CAMK1: variants seen among roughly 807,000 people sequenced by gnomAD.
CAMK1 encodes the protein calcium/calmodulin-dependent protein kinase type 1.
Under a neutral mutation model 49.1 loss-of-function variants are expected in CAMK1, and 39 were observed. The observed-to-expected ratio is 0.79, with a 90% CI of 0.62 to 1.04. The LOEUF is 1.04. Among genes scored for constraint, CAMK1 ranks in the 50% least tolerant of loss-of-function variants. CAMK1 has a pLI of 0.00. For synonymous variants in CAMK1, 192 were observed against 185.2 expected, an observed-to-expected ratio of 1.04 and a Z score of -0.30; for missense variants, 457 against 472.2, an observed-to-expected ratio of 0.97 and a Z score of 0.30.
intron 8 of CAMK1, 31 bp downstream of exon 8, chr3:9,760,625 G>T (rs770675137): frequency 1.2e-6 from 2 of 1,611,768 alleles, no homozygotes; most frequent in African/African-American, 2.7e-5. Context: ...CAGAGGCAGG[G>T]CCCAGGGGAA....
intron 8 of CAMK1, chr3:9,760,427 T>C (rs2077799365): frequency 2.1e-6 from 1 of 478,344 alleles, no homozygotes; most frequent in Non-Finnish European, 3.8e-6. Flanking sequence ...TCAAATAGAC[T>C]ATGTTTGAAG....
chr3:9,758,746 C>T (rs557384402), intron 10 of CAMK1: 2 of 201,934 alleles, frequency 9.9e-6, no homozygotes, highest in East Asian at 1.4e-4. Flanking sequence ...TCTCCTGCCT[C>T]AGCTTCCCAA....
chr3:9,766,294 C>A, intron 2 of CAMK1: 1 of 700,470 alleles, frequency 1.4e-6, no homozygotes, highest in Non-Finnish European at 2.6e-6. Flanking sequence ...TTATGTGGCC[C>A]TCTGGATCCA....
Position 9,757,550 on chromosome 3 carries a change from G to T in CAMK1, c.1102C>A (p.His368Asn). 1 of 1,613,660 alleles carries T rather than the reference G, an allele frequency of 6.2e-7. No individual in the cohort carries two copies. Among genetic ancestry groups the T allele is most frequent in the South Asian group, 1.1e-5 (1 of 91,048 alleles). ...PGTELSPTLP[H>N]QL Reference sequence around the variant, plus strand: ...CGAGGTCCAGGGCCCTAGAGCTGGTGGGGCAGTGTGGGGGACAGTTCTGTG... The same window carrying T: ...CGAGGTCCAGGGCCCTAGAGCTGGTTGGGCAGTGTGGGGGACAGTTCTGTG... Residue 368 changes from histidine to asparagine, a missense_variant, in exon 12 of 12, where the codon CAC (histidine) becomes AAC (asparagine). By Grantham distance (68) the His-to-Asn change is moderately conservative. Transcript: ENST00000256460. This position sits in a 1 kb window ranked among gnomAD's most constrained non-coding sequence, Gnocchi z 4.5.
chr3:9,767,817 C>G, intron 1 of CAMK1, 36 bp from the exon 2 acceptor site: 1 of 1,592,286 alleles, frequency 6.3e-7, no homozygotes, highest in South Asian at 1.1e-5. Flanking sequence ...CTCAGCAGAG[C>G]CCAGCCCTCT....
At position 9,759,521 on chromosome 3, in the gene CAMK1, C is replaced by A. The variant is rs758465129; in HGVS notation, c.879G>T (p.Gln293His). Residue 293 changes from glutamine to histidine, a missense_variant, in exon 10 of 12, where the codon CAG becomes CAT. By Grantham distance (24) the Gln-to-His change is conservative. Coordinates refer to ENST00000256460, the MANE Select transcript of CAMK1 (RefSeq NM_003656.5). ...TGCTCTTGGCAAAGTTCTTCTTGAT[C>A]TGCTCACTCACCGACTGGTGGATAT... is the stretch of plus-strand genomic sequence containing the variant. Reference protein sequence around the residue: ...DKNIHQSVSEQIKKNFAKSKW... With the variant: ...DKNIHQSVSEHIKKNFAKSKW... 1.9e-6 allele frequency: 3 copies of A among 1,614,168 alleles called. No homozygotes were observed. Among genetic ancestry groups the A allele is most frequent in the Non-Finnish European group, 2.5e-6 (3 of 1,180,024 alleles).
At chr3:9,769,240 C>A (rs562187143) in intron 1 of CAMK1, among the ~76,000 whole-genome samples, 97 of 152,022 alleles carry the variant, frequency 6.4e-4, no homozygotes, top group Non-Finnish European at 1.2e-3. Flanking sequence ...CAAGATGACA[C>A]CCAGACACAC....
At position 9,759,701 on chromosome 3, in the gene CAMK1, G is replaced by A. The variant is rs367901510; in HGVS notation, c.795C>T (p.Phe265=). Residue 265 remains phenylalanine, a synonymous_variant, in exon 9 of 12, where the codon TTC becomes TTT. Transcript: ENST00000256460. ...HLMEKDPEKR[F]TCEQALQHPW... is the part of the protein sequence containing the mutation. ...GGTGCTGCAAGGCCTGCTCACAGGT[G>A]AATCTTTTCTCTGGGTCCTTCTCCA... The A allele has an allele frequency of 8.1e-6, 13 of 1,614,068 alleles. No homozygotes were observed. In the Middle Eastern group the frequency reaches 4.9e-4, roughly 61 times the overall value.
chr3:9,766,608 G>C, intron 2 of CAMK1: 1 of 1,036,758 alleles, frequency 9.6e-7, no homozygotes, highest in African/African-American at 1.7e-5. Flanking sequence ...CAGTGTTTTA[G>C]AACAGGTTCT....
rs1022819308 is a variant in CAMK1, at chr3:9,761,737, G to A, written c.450C>T (p.Tyr150=). The A allele has an allele frequency of 1.3e-5, 21 of 1,614,046 alleles. No homozygotes were observed. Among genetic ancestry groups the A allele is most frequent in the Non-Finnish European group, 1.6e-5 (19 of 1,180,016 alleles). ...RDLKPENLLY[Y]SLDEDSKIMI... ...TGATTTTGGAGTCTTCATCCAGGCT[G>A]TAGTACAGCAGATTCTCTGGCTTGA... is the stretch of plus-strand genomic sequence containing the variant. Residue 150 remains tyrosine (Y), a synonymous_variant, in exon 6 of 12, where the codon TAC becomes TAT. Coordinates refer to ENST00000256460, the MANE Select transcript of CAMK1 (RefSeq NM_003656.5).
rs759183025 is a variant in CAMK1, at chr3:9,757,560, G to C, written c.1092C>G (p.Pro364=). ...CCVEPGTELS[P]TLPHQL ...GGCCCTAGAGCTGGTGGGGCAGTGT[G>C]GGGGACAGTTCTGTGCCCGGCTCCA... The change falls in exon 12 of 12, where the codon CCC becomes CCG. Residue 364 remains proline, a synonymous_variant. Coordinates refer to ENST00000256460, the MANE Select transcript of CAMK1 (RefSeq NM_003656.5). The surrounding 1 kb of genome is among the most constrained non-coding windows in gnomAD (Gnocchi z 4.5). 10 of 1,613,900 alleles carry C rather than the reference G, an allele frequency of 6.2e-6. No homozygotes were observed. The Admixed American group carries it at 1.0e-4, about 16-fold the overall frequency.
chr3:9,767,949 C>T (rs2078200997), intron 1 of CAMK1, 168 bp from the exon 2 acceptor site: 2 of 710,798 alleles, frequency 2.8e-6, no homozygotes, highest in Non-Finnish European at 3.5e-6. Context: ...TCAGCAAATT[C>T]TCATGCCTAG....
At chr3:9,768,667 C>T (rs2078223157) in intron 1 of CAMK1, among the ~76,000 whole-genome samples, 1 of 152,206 alleles carries the variant, frequency 6.6e-6, no homozygotes, top group African/African-American at 2.4e-5. Flanking sequence ...AGAATGGGCC[C>T]CATTCAGAGA....
At chr3:9,759,043 GC>G in intron 10 of CAMK1, 1 of 749,670 alleles carries the variant, frequency 1.3e-6, no homozygotes, top group Non-Finnish European at 2.4e-6. Context: ...AAGAGGCCTG[GC>G]CCCTTACCTG....
At chr3:9,766,197 C>T (rs779147992) in intron 2 of CAMK1, 2 of 787,058 alleles carry the variant, frequency 2.5e-6, no homozygotes, top group Non-Finnish European at 4.4e-6. Flanking sequence ...TCATCTTTGC[C>T]ACCACCTGGG....
At chr3:9,769,632 A>C (rs2078255683) in intron 1 of CAMK1, among the ~76,000 whole-genome samples, 200 bp downstream of exon 1, 1 of 150,960 alleles carries the variant, frequency 6.6e-6, no homozygotes. Context: ...TCTATTACCC[A>C]CTCAGTGTCC....
At chr3:9,759,439 GGGA>G in intron 10 of CAMK1, 46 bp downstream of exon 10, 6 of 1,612,976 alleles carry the variant, frequency 3.7e-6, no homozygotes, top group Non-Finnish European at 5.1e-6. Context: ...GGTAGGGATG[GGGA>G]GGAGTCCTGG....
Position 9,761,760 on chromosome 3 carries a change from T to C in CAMK1, c.430-3A>G, listed in dbSNP as rs572307672. 1 of 1,613,894 alleles carries C rather than the reference T, an allele frequency of 6.2e-7. No individual in the cohort carries two copies. Among genetic ancestry groups the C allele is most frequent in the South Asian group, 1.1e-5 (1 of 91,052 alleles). ...CTGTAGTACAGCAGATTCTCTGGCT[T>C]GAAGGGCAGGAGGGAAGAGAAGGGG... On this transcript the variant is annotated splice_region_variant and splice_polypyrimidine_tract_variant and intron_variant, in intron 5 of 11. Coordinates refer to ENST00000256460, the MANE Select transcript of CAMK1 (RefSeq NM_003656.5).
At chr3:9,758,074 AAC>A in intron 10 of CAMK1, 1 of 555,932 alleles carries the variant, frequency 1.8e-6, no homozygotes, top group Non-Finnish European at 3.0e-6. Context: ...TATAAATAGA[AAC>A]ATAACTATAA....
Sources: allele counts gnomAD v4.1 joint callset (sites outside exome capture counted in the v4.1 genomes callset), GRCh38; gene constraint gnomAD v4.1.1; non-coding constraint Gnocchi (gnomAD v3.1); transcripts MANE v1.5; gene names NCBI Gene and HGNC (gene_info 2026-07-23, HGNC 2026-07-21).